Variants in INTS6 observed in about 807,000 individuals in gnomAD.
The protein encoded by INTS6 is integrator complex subunit 6.
INTS6 carries 16 observed loss-of-function variants against 104.9 expected under a neutral mutation model. That is an observed-to-expected ratio of 0.15 (90% CI 0.10 to 0.23). The LOEUF is 0.23. Among genes scored for constraint, INTS6 ranks in the 10% least tolerant of loss-of-function variants. The pLI is 1.00. For synonymous variants in INTS6, 324 were observed against 358.7 expected, an observed-to-expected ratio of 0.90 and a Z score of 1.09; for missense variants, 584 against 1,062.8, an observed-to-expected ratio of 0.55 and a Z score of 6.26.
rs756611190 is a variant in INTS6 at position 51,451,188 on chromosome 13, T to C, written c.190-14A>G. On this transcript the variant is annotated splice_polypyrimidine_tract_variant and intron_variant, in intron 2 of 17. Transcript: ENST00000311234. ...TTTCCATCCAGCCTGAAAAGAAAAA[T>C]GTAAGATTTTTTTTTTTCATTTTTT... 7.8e-6 allele frequency: 12 copies of C among 1,538,534 alleles called. No individual in the cohort carries two copies. The highest frequency in any genetic ancestry group is 7.0e-5 in the African/African-American group (5 of 71,594).
At chr13:51,447,829 T>G (rs994842026) in intron 3 of INTS6, 3 of 145,008 alleles carry the variant, frequency 2.1e-5, no homozygotes, top group Non-Finnish European at 3.0e-5. Flanking sequence ...GAGGCCAAGG[T>G]GGGCAGATCA....
At chr13:51,411,651 T>C (rs1485822922) in intron 4 of INTS6, among the ~76,000 whole-genome samples, 1 of 152,076 alleles carries the variant, frequency 6.6e-6, no homozygotes, top group Admixed American at 6.6e-5. Flanking sequence ...ATAATAAAAC[T>C]TTAAAAACTG....
intron 4 of INTS6, among the ~76,000 whole-genome samples, chr13:51,411,941 G>A (rs1011822516): frequency 1.3e-5 from 2 of 152,330 alleles, no homozygotes; most frequent in African/African-American, 4.8e-5. Flanking sequence ...TAAGCAAACT[G>A]TAGTATAGCC....
chr13:51,423,004 T>G, intron 4 of INTS6: 1 of 1,162,900 alleles, frequency 8.6e-7, no homozygotes, highest in Non-Finnish European at 1.1e-6. Flanking sequence ...TTTATCTTAA[T>G]GTATTACAAA....
rs553099323 is a variant in INTS6 at position 51,420,636 on chromosome 13, A to G, written c.429+9658T>C. Reference sequence around the variant, plus strand: ...AAAGGTAGCTATGTTTTTTTAAAAAAGGTTATTATAACAGACAAAGCAAAT... The same window carrying G: ...AAAGGTAGCTATGTTTTTTTAAAAAGGGTTATTATAACAGACAAAGCAAAT... On this transcript the variant is annotated intron_variant, in intron 4 of 17. Coordinates refer to ENST00000311234, the MANE Select transcript of INTS6 (RefSeq NM_012141.3). Among the ~76,000 whole-genome samples, 3 of 152,166 alleles carry G rather than the reference A, an allele frequency of 2.0e-5. No individual in the cohort carries two copies. In the South Asian group the frequency reaches 6.2e-4, roughly 32 times the overall value.
intron 4 of INTS6, among the ~76,000 whole-genome samples, chr13:51,424,019 A>G (rs1593745585): frequency 6.6e-6 from 1 of 152,198 alleles, no homozygotes; most frequent in African/African-American, 2.4e-5. Context: ...AAGGCACACC[A>G]GGTGATTTTG....
chr13:51,398,129 A>G (rs887515481), intron 4 of INTS6, among the ~76,000 whole-genome samples: 2 of 152,212 alleles, frequency 1.3e-5, no homozygotes, highest in Admixed American at 1.3e-4. Flanking sequence ...GTTTAAATGA[A>G]TTAGTAAAAT....
chr13:51,389,527 A>G, intron 5 of INTS6, 83 bp from the exon 6 acceptor site: 1 of 1,341,468 alleles, frequency 7.5e-7, no homozygotes. Context: ...TTAGCAAGAA[A>G]AAAACAACTG....
At chr13:51,398,903 A>G (rs1403949060) in intron 4 of INTS6, among the ~76,000 whole-genome samples, 2 of 152,130 alleles carry the variant, frequency 1.3e-5, no homozygotes, top group East Asian at 1.9e-4. Context: ...TCTCAAAACA[A>G]TGTTTTTTGG....
chr13:51,449,320 T>C (rs918259528), intron 3 of INTS6: 21 of 212,238 alleles, frequency 9.9e-5, no homozygotes, highest in Admixed American at 1.3e-4. Context: ...GTCAAAGTGG[T>C]AACAGCACAG....
At chr13:51,406,794 T>A (rs1956575454) in intron 4 of INTS6, among the ~76,000 whole-genome samples, 1 of 152,202 alleles carries the variant, frequency 6.6e-6, no homozygotes, top group Admixed American at 6.5e-5. Flanking sequence ...TAAGCCAAGC[T>A]TGTCCAACCC....
At chr13:51,357,796 T>C (rs1029002335), downstream of INTS6, among the ~76,000 whole-genome samples, 2 of 152,066 alleles carry the variant, frequency 1.3e-5, no homozygotes. Context: ...TCAGCAGGCT[T>C]TGATATAGAC....
At chr13:51,349,068 AC>A in the INTS6 span, among the ~76,000 whole-genome samples, 1 of 152,016 alleles carries the variant, frequency 6.6e-6, no homozygotes, top group Admixed American at 6.6e-5. Flanking sequence ...TTACAAAAAG[AC>A]TCCTCTTAGG....
rs1046890331 is a variant in INTS6, at chr13:51,374,180, T to C, written c.2104+28A>G. On this transcript the variant is annotated intron_variant, in intron 15 of 17. Coordinates refer to ENST00000311234, the MANE Select transcript of INTS6 (RefSeq NM_012141.3). ...TGAAAAGGAACCAAAAGGCAGCAAA[T>C]AATGTTTAAGAAAAAAACAATTCTT... The C allele has an allele frequency of 2.6e-6, 4 of 1,564,656 alleles. No individual in the cohort carries two copies. The African/African-American group carries it at 4.1e-5, about 16-fold the overall frequency.
chr13:51,361,223 T>C (rs115064791), downstream of INTS6: 51 of 1,120,094 alleles, frequency 4.6e-5, no homozygotes, highest in African/African-American at 5.8e-4. Flanking sequence ...GTGTTCTAAA[T>C]GTGTTAGAAA....
intron 17 of INTS6, among the ~76,000 whole-genome samples, chr13:51,367,193 G>A (rs955440786): frequency 4.0e-5 from 6 of 151,442 alleles, no homozygotes; most frequent in South Asian, 2.1e-4. Context: ...GTGTAAATAC[G>A]ATATGAATTA....
intron 4 of INTS6, among the ~76,000 whole-genome samples, chr13:51,424,791 A>G (rs1956958327): frequency 6.6e-6 from 1 of 152,074 alleles, no homozygotes; most frequent in Admixed American, 6.5e-5. Context: ...ATAAACATGA[A>G]AATTCAAACA....
intron 10 of INTS6, among the ~76,000 whole-genome samples, chr13:51,379,953 T>C (rs1956013582): frequency 6.6e-6 from 1 of 152,010 alleles, no homozygotes; most frequent in African/African-American, 2.4e-5. Context: ...TTTGAGTAAT[T>C]AGCTGCTCAA....
At chr13:51,421,379 G>C in intron 4 of INTS6, 1 of 807,202 alleles carries the variant, frequency 1.2e-6, no homozygotes, top group Non-Finnish European at 1.5e-6. Context: ...CAAAACAAAG[G>C]GGGAAAAATC....
Sources: allele counts gnomAD v4.1 joint callset (sites outside exome capture counted in the v4.1 genomes callset), GRCh38; gene constraint gnomAD v4.1.1; transcripts MANE v1.5; gene names NCBI Gene and HGNC (gene_info 2026-07-23, HGNC 2026-07-21).